The following NFIB variants were observed in gnomAD, a reference collection of about 807,000 sequenced individuals.
NFIB encodes nuclear factor 1 B-type.
Under a neutral mutation model 61.5 loss-of-function variants are expected in NFIB, and 11 were observed. The observed-to-expected ratio is 0.18, with a 90% CI of 0.11 to 0.30. The LOEUF is 0.30. Ranked by LOEUF, NFIB falls within the 10% of genes least tolerant of loss-of-function variation. The pLI, the probability that NFIB is intolerant of heterozygous loss-of-function variation, is 1.00. For missense variants in NFIB, 471 were observed against 608.9 expected, an observed-to-expected ratio of 0.77 and a Z score of 2.38; for synonymous variants, 260 against 216.5, an observed-to-expected ratio of 1.20 and a Z score of -1.76.
chr9:14,463,147 TTTGA>T, the NFIB span, among the ~76,000 whole-genome samples: 110,579 of 150,370 alleles, frequency 0.74, 40,847 homozygotes, highest in East Asian at 0.88. Flanking sequence ...AAATAATTAT[TTTGA>T]TTGTTTTATT....
intron 2 of NFIB, among the ~76,000 whole-genome samples, chr9:14,221,982 C>T (rs2051730518): frequency 6.6e-6 from 1 of 152,198 alleles, no homozygotes; most frequent in Non-Finnish European, 1.5e-5. Context: ...CTTAGCACTA[C>T]CCTTCATTAC....
intron 1 of NFIB, among the ~76,000 whole-genome samples, chr9:14,323,133 T>A (rs1337604911): frequency 1.3e-5 from 2 of 152,234 alleles, no homozygotes; most frequent in African/African-American, 4.8e-5. Flanking sequence ...TGCGCAGCGT[T>A]ATCATTAAAG....
chr9:14,398,796 G>A, exon 1 of NFIB: 2 of 545,744 alleles, frequency 3.7e-6, no homozygotes, highest in Admixed American at 3.6e-5. Context: ...GGATCTTTAT[G>A]GAGCAGAGCA....
At position 14,084,759 on chromosome 9, in the gene NFIB, T is replaced by C. The variant is rs957632509; in HGVS notation, c.*3550A>G. The C allele has an allele frequency of 1.3e-5, 3 of 229,358 alleles. No homozygotes were observed. The highest frequency in any genetic ancestry group is 1.8e-4 in the South Asian group (1 of 5,492). The allele number at this position is 229,358 out of a possible 1,614,324, so 14.2% of individuals were successfully genotyped here. On this transcript the variant is annotated 3_prime_UTR_variant, in exon 11 of 11. Coordinates refer to ENST00000380953, the MANE Select transcript of NFIB (RefSeq NM_001190737.2). ...AAAAGTGGGGCCCTTCGTCAGAATA[T>C]ACTTCCTGGTACACGAGGAGGAGGC...
At chr9:14,233,903 A>G (rs998504422) in intron 2 of NFIB, among the ~76,000 whole-genome samples, 6 of 152,208 alleles carry the variant, frequency 3.9e-5, no homozygotes, top group Non-Finnish European at 7.3e-5. Context: ...CACCATCAGC[A>G]CTCATTCCAA....
chr9:14,154,571 C>T lies in NFIB; in HGVS notation c.685+1254G>A, dbSNP rs77792263. Among the ~76,000 whole-genome samples the T allele has an allele frequency of 2.0e-5, 3 of 152,210 alleles. No individual in the cohort carries two copies. In the East Asian group the frequency reaches 5.8e-4, roughly 29 times the overall value. ...TACACTGCCTTGGACAATCTCCTTGCCCATCGAATACACACCCTGGGGCTA... is the reference window on the plus strand; with the variant it reads ...TACACTGCCTTGGACAATCTCCTTGTCCATCGAATACACACCCTGGGGCTA... On this transcript the variant is annotated intron_variant, in intron 4 of 10. Transcript: ENST00000380953.
intron 1 of NFIB, among the ~76,000 whole-genome samples, chr9:14,326,886 T>C (rs200177711): frequency 6.6e-6 from 1 of 151,442 alleles, no homozygotes; most frequent in Admixed American, 6.7e-5. Context: ...CTTATAAAAA[T>C]ACTATGAGCA....
At chr9:14,351,631 G>A (rs1347639853) in intron 1 of NFIB, among the ~76,000 whole-genome samples, 2 of 152,130 alleles carry the variant, frequency 1.3e-5, no homozygotes, top group African/African-American at 4.8e-5. Flanking sequence ...GCTATCTCCA[G>A]CCCTTTCTGT....
intron 7 of NFIB, among the ~76,000 whole-genome samples, chr9:14,125,348 G>A (rs1262286958): frequency 6.6e-6 from 1 of 152,034 alleles, no homozygotes; most frequent in African/African-American, 2.4e-5. Context: ...AGTAGAGACG[G>A]GGTTCCACCA....
chr9:14,418,555 A>T, the NFIB span, among the ~76,000 whole-genome samples: 4 of 151,834 alleles, frequency 2.6e-5, no homozygotes, highest in Non-Finnish European at 5.9e-5. Context: ...CTGCATGGAA[A>T]CTCAGTGCAC....
At chr9:14,126,211 A>G (rs2039626031) in intron 6 of NFIB, among the ~76,000 whole-genome samples, 1 of 152,228 alleles carries the variant, frequency 6.6e-6, no homozygotes, top group Non-Finnish European at 1.5e-5. Flanking sequence ...GCTTTTATGG[A>G]AAACTCATTC....
intron 10 of NFIB, among the ~76,000 whole-genome samples, chr9:14,098,026 A>G (rs1470632599): frequency 6.6e-6 from 1 of 152,092 alleles, no homozygotes; most frequent in Non-Finnish European, 1.5e-5. Context: ...TAAAGTAACT[A>G]CAGAATGAAG....
chr9:14,417,262 A>G, the NFIB span, among the ~76,000 whole-genome samples: 1 of 152,160 alleles, frequency 6.6e-6, no homozygotes. Context: ...ACAAATACTT[A>G]CCATTGTGTT....
intron 2 of NFIB, among the ~76,000 whole-genome samples, chr9:14,295,331 G>A (rs1374081092): frequency 6.6e-6 from 1 of 152,064 alleles, no homozygotes; most frequent in Non-Finnish European, 1.5e-5. Flanking sequence ...GCTTTTTTAA[G>A]GACAATCCAG....
At chr9:14,298,964 C>A (rs1006726279) in intron 2 of NFIB, among the ~76,000 whole-genome samples, 1 of 152,188 alleles carries the variant, frequency 6.6e-6, no homozygotes, top group African/African-American at 2.4e-5. Flanking sequence ...AGGCTTTTAA[C>A]ATAGCATAGC....
At chr9:14,289,604 T>TATAC (rs1014083438) in intron 2 of NFIB, among the ~76,000 whole-genome samples, 2 of 151,832 alleles carry the variant, frequency 1.3e-5, no homozygotes, top group South Asian at 2.1e-4. Flanking sequence ...TGCACATACA[T>TATAC]ATACATACAT....
intron 1 of NFIB, among the ~76,000 whole-genome samples, chr9:14,340,750 T>C (rs2060939928): frequency 6.6e-6 from 1 of 152,232 alleles, no homozygotes; most frequent in Non-Finnish European, 1.5e-5. Flanking sequence ...TGGTGGTATT[T>C]ATGCCTGGCA....
intron 2 of NFIB, among the ~76,000 whole-genome samples, chr9:14,199,277 A>G (rs138656679): frequency 1.7e-3 from 266 of 152,340 alleles, no homozygotes; most frequent in African/African-American, 6.2e-3. Flanking sequence ...AAAGAGGAAG[A>G]CAGGAAGCCG....
intron 2 of NFIB, among the ~76,000 whole-genome samples, chr9:14,196,740 T>C (rs1297812889): frequency 6.6e-6 from 1 of 150,544 alleles, no homozygotes; most frequent in African/African-American, 2.4e-5. Context: ...CCCTCAGAAC[T>C]ATGGAGTCTA....
Sources: gnomAD v4.1 joint callset for allele counts (sites outside exome capture counted in the v4.1 genomes callset) on GRCh38, gnomAD v4.1.1 for gene constraint, MANE v1.5 for transcripts, NCBI Gene and HGNC (gene_info 2026-07-23, HGNC 2026-07-21) for gene names.